IL1RAPL2: variants seen among roughly 807,000 people sequenced by gnomAD.
The protein encoded by IL1RAPL2 is interleukin 1 receptor accessory protein like 2.
Under a neutral mutation model 44.1 loss-of-function variants are expected in IL1RAPL2, and 3 were observed. The ratio of observed to expected loss-of-function variants is 0.07; its 90% CI spans 0.03 to 0.18. IL1RAPL2 has a LOEUF of 0.18. Among genes scored for constraint, IL1RAPL2 ranks in the 10% least tolerant of loss-of-function variants. The pLI is 1.00. For missense variants in IL1RAPL2, 391 were observed against 496.4 expected (o/e 0.79, Z 2.02); for synonymous variants, 181 against 178.8 (o/e 1.01, Z -0.10).
chrX:105,756,218 C>T (rs901870959), intron 10 of IL1RAPL2, among the ~76,000 whole-genome samples: 2 of 111,900 alleles, frequency 1.8e-5, no homozygotes, highest in African/African-American at 3.2e-5. Flanking sequence ...CTTATATTAC[C>T]AGTACTTGAC....
intron 5 of IL1RAPL2, among the ~76,000 whole-genome samples, chrX:105,452,546 G>A (rs759773788): frequency 9.0e-6 from 1 of 111,613 alleles, no homozygotes; most frequent in South Asian, 3.7e-4. Context: ...GTCATAAAAA[G>A]ATACTTGTGG....
intron 6 of IL1RAPL2, among the ~76,000 whole-genome samples, chrX:105,648,028 T>C (rs2037618644): frequency 8.9e-6 from 1 of 112,101 alleles, no homozygotes; most frequent in Admixed American, 9.5e-5. Context: ...AATTATTACT[T>C]CAGTTCTCTA....
chrX:105,561,334 AAAG>A (rs2036935523), intron 6 of IL1RAPL2, among the ~76,000 whole-genome samples: 1 of 112,050 alleles, frequency 8.9e-6, no homozygotes, highest in Admixed American at 9.5e-5. Flanking sequence ...GGTCTAAAGT[AAAG>A]AAGCACTTGA....
chrX:105,035,200 C>A (rs143908643), intron 2 of IL1RAPL2, among the ~76,000 whole-genome samples: 1 of 111,895 alleles, frequency 8.9e-6, no homozygotes, highest in East Asian at 2.8e-4. Context: ...CCGAGTGAGG[C>A]AATGCCTTAT....
In IL1RAPL2 at chrX:105,338,998, G is replaced by A. The variant is rs984462999; in HGVS notation, c.697+71457G>A. ...TGCGCCTGTAATCCCAGCTACTCGG[G>A]AGGCTGAGGCAAGAGAATCACTTGA... On this transcript the variant is annotated intron_variant, in intron 5 of 10. Coordinates refer to ENST00000372582, the MANE Select transcript of IL1RAPL2 (RefSeq NM_017416.2). Among the ~76,000 whole-genome samples the A allele has an allele frequency of 6.3e-5, 7 of 111,519 alleles. No individual in the cohort carries two copies. The Admixed American group carries it at 6.7e-4, about 11-fold the overall frequency.
chrX:105,178,985 G>A (rs1372539398), intron 2 of IL1RAPL2, among the ~76,000 whole-genome samples: 1 of 111,819 alleles, frequency 8.9e-6, no homozygotes, highest in Non-Finnish European at 1.9e-5. Flanking sequence ...CTGTGAAGGA[G>A]TTTTTTAATT....
At chrX:105,500,830 A>G (rs1302464278) in intron 6 of IL1RAPL2, among the ~76,000 whole-genome samples, 2 of 111,148 alleles carry the variant, frequency 1.8e-5, no homozygotes, top group Non-Finnish European at 3.8e-5. Context: ...ATCCCTTCTC[A>G]CTCACAACCT....
intron 1 of IL1RAPL2, among the ~76,000 whole-genome samples, chrX:104,595,443 A>G (rs901274836): frequency 8.1e-5 from 9 of 111,297 alleles, no homozygotes; most frequent in Non-Finnish European, 1.3e-4. Context: ...TGGATTTACT[A>G]TAGTTGGAGG....
chrX:105,038,870 C>T (rs768503411), intron 2 of IL1RAPL2, among the ~76,000 whole-genome samples: 16 of 111,214 alleles, frequency 1.4e-4, no homozygotes, highest in Non-Finnish European at 3.0e-4. Flanking sequence ...CTGCATTTTG[C>T]ATCCCTACAG....
At chrX:104,755,998 C>T (rs532176276) in intron 2 of IL1RAPL2, among the ~76,000 whole-genome samples, 10 of 111,311 alleles carry the variant, frequency 9.0e-5, no homozygotes, top group South Asian at 7.4e-4. Context: ...TTATGTAAAG[C>T]GGAATTAACC....
intron 5 of IL1RAPL2, among the ~76,000 whole-genome samples, chrX:105,452,376 G>A (rs769694484): frequency 8.1e-5 from 9 of 111,526 alleles, no homozygotes; most frequent in African/African-American, 2.6e-4. Flanking sequence ...TTTCAGAGGT[G>A]ATCCTATCTG....
intron 5 of IL1RAPL2, among the ~76,000 whole-genome samples, chrX:105,363,289 AAT>A (rs61486978): frequency 0.043 from 3,260 of 76,126 alleles, 86 homozygotes; most frequent in South Asian, 0.093. Flanking sequence ...ATATATATAT[AAT>A]ATATATATAT....
chrX:105,086,630 C>T (rs923354452), intron 2 of IL1RAPL2, among the ~76,000 whole-genome samples: 2 of 109,776 alleles, frequency 1.8e-5, no homozygotes, highest in African/African-American at 6.6e-5. Context: ...ATGTTCTTAC[C>T]ACAAAAAGTG....
At chrX:104,683,445 A>G (rs979452429) in intron 2 of IL1RAPL2, among the ~76,000 whole-genome samples, 2 of 112,159 alleles carry the variant, frequency 1.8e-5, no homozygotes, top group Non-Finnish European at 3.8e-5. Context: ...TCTGGGGCTA[A>G]TACAGAGGTC....
chrX:104,796,504 G>A (rs1023582743), intron 2 of IL1RAPL2, among the ~76,000 whole-genome samples: 6 of 112,206 alleles, frequency 5.3e-5, no homozygotes, highest in Non-Finnish European at 1.1e-4. Context: ...ACATTCATGG[G>A]CTGGCCCAAA....
At chrX:104,904,169 G>A (rs1923901729) in intron 2 of IL1RAPL2, among the ~76,000 whole-genome samples, 1 of 110,103 alleles carries the variant, frequency 9.1e-6, no homozygotes, top group Non-Finnish European at 1.9e-5. Context: ...TGGTCACTGG[G>A]TAAGTTGTTC....
chrX:104,842,511 C>T (rs1921935459), intron 2 of IL1RAPL2, among the ~76,000 whole-genome samples: 1 of 111,862 alleles, frequency 8.9e-6, no homozygotes, highest in Non-Finnish European at 1.9e-5. Flanking sequence ...ACTGTTTTTC[C>T]CTCATCTTCG....
intron 2 of IL1RAPL2, among the ~76,000 whole-genome samples, chrX:104,944,177 A>G (rs1038529340): frequency 5.4e-5 from 6 of 111,710 alleles, no homozygotes; most frequent in Non-Finnish European, 1.1e-4. Flanking sequence ...CTAAATACCA[A>G]GGAGTACTCT....
intron 2 of IL1RAPL2, among the ~76,000 whole-genome samples, chrX:105,154,620 C>T (rs897655170): frequency 3.2e-4 from 36 of 111,560 alleles, no homozygotes; most frequent in African/African-American, 1.1e-3. Flanking sequence ...TTGTTTTCTC[C>T]TTTATTGTGT....
Sources: gnomAD v4.1 joint callset for allele counts (sites outside exome capture counted in the v4.1 genomes callset) on GRCh38, gnomAD v4.1.1 for gene constraint, MANE v1.5 for transcripts, NCBI Gene and HGNC (gene_info 2026-07-23, HGNC 2026-07-21) for gene names.